Variants in SUPT3H observed in about 807,000 individuals in gnomAD.
SUPT3H encodes transcription initiation protein SPT3 homolog.
Under a neutral mutation model 44.3 loss-of-function variants are expected in SUPT3H, and 44 were observed. The ratio of observed to expected loss-of-function variants is 0.99; its 90% confidence interval spans 0.78 to 1.28. The LOEUF (loss-of-function observed/expected upper bound fraction) is 1.28. Among genes scored for constraint, SUPT3H ranks in the 50% most tolerant of loss-of-function variants. The probability of loss-of-function intolerance (pLI) is 0.00; values close to 1 mark genes in which losing one functional copy is unlikely to be tolerated. For synonymous variants in SUPT3H, 124 were observed against 125.6 expected (o/e 0.99, Z 0.09); for missense variants, 380 against 387.1 (o/e 0.98, Z 0.15).
intron 2 of SUPT3H, among the ~76,000 whole-genome samples, chr6:45,339,987 C>A (rs774261670): frequency 4.5e-4 from 68 of 152,224 alleles, no homozygotes; most frequent in Non-Finnish European, 7.1e-4. Context: ...GATGAGGAAG[C>A]TGAGAATGAG....
chr6:45,016,324 A>T (rs930816832), intron 4 of SUPT3H, among the ~76,000 whole-genome samples: 4 of 151,714 alleles, frequency 2.6e-5, no homozygotes, highest in South Asian at 2.1e-4. Flanking sequence ...ATTGTTTTTT[A>T]AATTTTTTTT....
At chr6:44,908,182 C>T (rs1447653576) in intron 10 of SUPT3H, among the ~76,000 whole-genome samples, 5 of 143,018 alleles carry the variant, frequency 3.5e-5, no homozygotes, top group African/African-American at 1.3e-4. Flanking sequence ...GATGGAGTCT[C>T]GCTCTGTCAC....
intron 3 of SUPT3H, among the ~76,000 whole-genome samples, chr6:45,025,873 A>G (rs1411747876): frequency 9.0e-6 from 1 of 111,292 alleles, no homozygotes; most frequent in Non-Finnish European, 1.7e-5. Flanking sequence ...ACAGAGCGAG[A>G]CTCCGTCTCA....
intron 3 of SUPT3H, among the ~76,000 whole-genome samples, chr6:45,085,264 A>G (rs1796347624): frequency 6.6e-6 from 1 of 152,218 alleles, no homozygotes; most frequent in Admixed American, 6.5e-5. Context: ...TAAATATTTA[A>G]TTAAATATTC....
chr6:45,044,592 C>T (rs1000748584), intron 3 of SUPT3H, among the ~76,000 whole-genome samples: 1 of 152,054 alleles, frequency 6.6e-6, no homozygotes, highest in Non-Finnish European at 1.5e-5. Flanking sequence ...AGGCACTATA[C>T]CAGGAATTTA....
intron 2 of SUPT3H, among the ~76,000 whole-genome samples, chr6:45,291,007 T>C (rs1179914872): frequency 6.6e-6 from 1 of 152,064 alleles, no homozygotes; most frequent in Non-Finnish European, 1.5e-5. Flanking sequence ...TCAGGAAACC[T>C]GAAAGGACCC....
At chr6:44,809,574 T>C (rs1259455541) in intron 11 of SUPT3H, 1 of 152,244 alleles carries the variant, frequency 6.6e-6, no homozygotes, top group African/African-American at 2.4e-5. Flanking sequence ...GAGAGAAATG[T>C]TATTTTCAGG....
intron 2 of SUPT3H, among the ~76,000 whole-genome samples, chr6:45,318,693 T>C (rs1404124819): frequency 6.6e-6 from 1 of 152,144 alleles, no homozygotes; most frequent in Non-Finnish European, 1.5e-5. Flanking sequence ...CAACCAGTTG[T>C]ATTGAATAAT....
intron 3 of SUPT3H, among the ~76,000 whole-genome samples, chr6:45,038,751 T>C (rs779740436): frequency 2.4e-4 from 37 of 152,146 alleles, no homozygotes; most frequent in Non-Finnish European, 4.4e-4. Context: ...AAAATACACA[T>C]ACACAATTTG....
chr6:45,316,040 T>C (rs1297138114), intron 2 of SUPT3H, among the ~76,000 whole-genome samples: 2 of 152,114 alleles, frequency 1.3e-5, no homozygotes, highest in Non-Finnish European at 2.9e-5. Flanking sequence ...TGGATGAGAT[T>C]AGAGACTATT....
chr6:45,112,962 C>CTTT (rs11330704), intron 2 of SUPT3H, among the ~76,000 whole-genome samples: 3 of 138,366 alleles, frequency 2.2e-5, no homozygotes, highest in Admixed American at 7.1e-5. Context: ...GAGCTAGTCA[C>CTTT]TTTTTTTTTT....
chr6:45,338,446 T>G (rs1789069946), intron 2 of SUPT3H, among the ~76,000 whole-genome samples: 1 of 152,050 alleles, frequency 6.6e-6, no homozygotes, highest in African/African-American at 2.4e-5. Flanking sequence ...TGATCACATA[T>G]AAGCTTATAT....
intron 2 of SUPT3H, among the ~76,000 whole-genome samples, chr6:45,316,643 A>C (rs1784746053): frequency 6.6e-6 from 1 of 152,212 alleles, no homozygotes; most frequent in Non-Finnish European, 1.5e-5. Flanking sequence ...TTCAAAAAAG[A>C]AATTTTAAAA....
chr6:44,907,327 A>T (rs1298208681), intron 10 of SUPT3H, among the ~76,000 whole-genome samples: 1 of 152,154 alleles, frequency 6.6e-6, no homozygotes, highest in East Asian at 1.9e-4. Flanking sequence ...TGACTGTATT[A>T]GCATTGTACA....
intron 2 of SUPT3H, among the ~76,000 whole-genome samples, chr6:45,144,842 T>C (rs1222673688): frequency 6.6e-6 from 1 of 152,102 alleles, no homozygotes; most frequent in South Asian, 2.1e-4. Flanking sequence ...ACAAAACGAA[T>C]GTACACAAAG....
At chr6:44,947,794 A>G (rs893592239) in intron 9 of SUPT3H, among the ~76,000 whole-genome samples, 1 of 152,212 alleles carries the variant, frequency 6.6e-6, no homozygotes, top group Non-Finnish European at 1.5e-5. Flanking sequence ...AGATATCCAT[A>G]AGTAAAAATT....
intron 3 of SUPT3H, among the ~76,000 whole-genome samples, chr6:45,047,732 T>C (rs1789624736): frequency 6.6e-6 from 1 of 152,148 alleles, no homozygotes; most frequent in African/African-American, 2.4e-5. Flanking sequence ...GGTTCTCTTT[T>C]CTCCACATCC....
chr6:45,186,942 T>A (rs756254427), intron 2 of SUPT3H, among the ~76,000 whole-genome samples: 3 of 151,788 alleles, frequency 2.0e-5, no homozygotes, highest in African/African-American at 4.8e-5. Flanking sequence ...ATACACACAC[T>A]ATCCACTTCT....
At chr6:45,041,861 G>T (rs1396704113) in intron 3 of SUPT3H, among the ~76,000 whole-genome samples, 1 of 152,088 alleles carries the variant, frequency 6.6e-6, no homozygotes, top group Non-Finnish European at 1.5e-5. Context: ...ATTGGATAAT[G>T]GCTACTCCTT....
Sources: gnomAD v4.1 joint callset for allele counts (sites outside exome capture counted in the v4.1 genomes callset) on GRCh38, gnomAD v4.1.1 for gene constraint, MANE v1.5 for transcripts, NCBI Gene and HGNC (gene_info 2026-07-23, HGNC 2026-07-21) for gene names.